The following MSH3 variants were observed in gnomAD, a reference collection of about 807,000 sequenced individuals.
MSH3 encodes DNA mismatch repair protein Msh3.
MSH3 carries 106 observed loss-of-function variants against 123.3 expected under a neutral mutation model. That is an observed-to-expected ratio of 0.86 (90% CI 0.73 to 1.01). The LOEUF is 1.01. Ranked by LOEUF, MSH3 falls within the 50% of genes least tolerant of loss-of-function variation. The pLI is 0.00. For synonymous variants in MSH3, 515 were observed against 481.4 expected (o/e 1.07, Z -0.91); for missense variants, 1,459 against 1,347.6 (o/e 1.08, Z -1.29).
intron 19 of MSH3, among the ~76,000 whole-genome samples, chr5:80,797,483 A>G (rs1327931843): frequency 6.6e-6 from 1 of 152,178 alleles, no homozygotes; most frequent in Admixed American, 6.5e-5. Flanking sequence ...AGGATATTAT[A>G]TGGGGATTGC....
intron 17 of MSH3, among the ~76,000 whole-genome samples, chr5:80,781,569 G>A (rs996083195): frequency 6.6e-6 from 1 of 151,032 alleles, no homozygotes; most frequent in Non-Finnish European, 1.5e-5. Context: ...CCCAGCTCAA[G>A]CAATCCTTCC....
intron 12 of MSH3, among the ~76,000 whole-genome samples, chr5:80,759,881 C>T (rs1415087731): frequency 6.6e-6 from 1 of 152,170 alleles, no homozygotes; most frequent in East Asian, 1.9e-4. Flanking sequence ...TCTTGCTCTC[C>T]TGCATCGTAC....
chr5:80,690,923 ATC>A (rs1750228895), intron 8 of MSH3, among the ~76,000 whole-genome samples: 1 of 152,076 alleles, frequency 6.6e-6, no homozygotes, highest in South Asian at 2.1e-4. Context: ...TTTATAGATA[ATC>A]TGTCTGTATA....
At chr5:80,859,383 C>T (rs1329792677) in intron 21 of MSH3, among the ~76,000 whole-genome samples, 1 of 152,180 alleles carries the variant, frequency 6.6e-6, no homozygotes, top group Non-Finnish European at 1.5e-5. Context: ...GCCTCGGCCT[C>T]CCAAAGCGCT....
At chr5:80,655,211 G>A (rs6151598) in intron 1 of MSH3, 4,112 of 367,564 alleles carry the variant, frequency 0.011, 60 homozygotes, top group South Asian at 0.046. Flanking sequence ...GCCTGAGACA[G>A]GAACTCAGGT....
intron 11 of MSH3, among the ~76,000 whole-genome samples, chr5:80,743,975 G>T (rs1424071221): frequency 2.0e-5 from 3 of 151,762 alleles, no homozygotes. Context: ...CTAGTTAATT[G>T]TGATTTTTTT....
rs1554068232 is a variant in MSH3, at chr5:80,692,150, ATAGATAGATAAACATGTATATGTT to A, written c.1340+13140_1340+13163del. 4.0e-3 allele frequency among the ~76,000 whole-genome samples: 531 copies of A among 131,702 alleles called. 49 individuals carry two copies. Among genetic ancestry groups the A allele is most frequent in the East Asian group, 0.012 (47 of 4,054 alleles). 86.4% of individuals were successfully genotyped at this position (131,702 alleles called of 152,430 possible). A position where few individuals can be genotyped will look rare whatever the true frequency, so the allele number is the denominator to read the frequency against. ...GATAGATAAACATGTATATGTTTAG[ATAGATAGATAAACATGTATATGTT>A]TAGATAGATAAACATGTATATGTTT... On this transcript the variant is annotated intron_variant, in intron 8 of 23. Transcript: ENST00000265081.
In MSH3 at chr5:80,813,645, TAAAAC is replaced by T; in HGVS notation, c.2720_2724del (p.Lys907SerfsTer39). Reference sequence around the variant, plus strand: ...AACATGGGTGGAAAGAGCTCCTACATAAAACAAGTTGCATTGATTACCATCATGGC... The same window carrying T: ...AACATGGGTGGAAAGAGCTCCTACATAAGTTGCATTGATTACCATCATGGC... On this transcript the variant is annotated frameshift_variant, in exon 20 of 24. Transcript: ENST00000265081. LOFTEE classifies it high-confidence loss of function. The T allele has an allele frequency of 6.2e-7, 1 of 1,614,130 alleles. No homozygotes were observed. Among genetic ancestry groups the T allele is most frequent in the Non-Finnish European group, 8.5e-7 (1 of 1,180,002 alleles).
intron 12 of MSH3, among the ~76,000 whole-genome samples, chr5:80,747,674 A>G (rs139208889): frequency 6.6e-6 from 1 of 152,316 alleles, no homozygotes; most frequent in African/African-American, 2.4e-5. Flanking sequence ...ACCACATGAC[A>G]ACATTTTGGT....
intron 19 of MSH3, among the ~76,000 whole-genome samples, chr5:80,809,955 A>G (rs1744976543): frequency 6.6e-6 from 1 of 152,012 alleles, no homozygotes; most frequent in Non-Finnish European, 1.5e-5. Context: ...AGTATAACAG[A>G]CACCTATTTA....
At chr5:80,829,660 G>A (rs1218935281) in intron 20 of MSH3, among the ~76,000 whole-genome samples, 1 of 152,044 alleles carries the variant, frequency 6.6e-6, no homozygotes, top group Non-Finnish European at 1.5e-5. Context: ...GAGGATTTTT[G>A]CATCTATGTT....
intron 16 of MSH3, among the ~76,000 whole-genome samples, chr5:80,776,644 T>C (rs1412401762): frequency 6.6e-6 from 1 of 151,980 alleles, no homozygotes; most frequent in African/African-American, 2.4e-5. Context: ...AGAGGACTCA[T>C]TTAAAGACAA....
At chr5:80,858,608 A>G (rs1745958458) in intron 21 of MSH3, among the ~76,000 whole-genome samples, 1 of 152,124 alleles carries the variant, frequency 6.6e-6, no homozygotes, top group Non-Finnish European at 1.5e-5. Flanking sequence ...ATTTGTCAAC[A>G]TGTGTTTTAT....
chr5:80,655,452 C>A, intron 1 of MSH3: 1 of 216,450 alleles, frequency 4.6e-6, no homozygotes, highest in Non-Finnish European at 9.3e-6. Context: ...GTGCAGTTCC[C>A]CAGTGAACTC....
At chr5:80,814,432 C>T (rs1745066675) in intron 20 of MSH3, among the ~76,000 whole-genome samples, 1 of 152,098 alleles carries the variant, frequency 6.6e-6, no homozygotes, top group African/African-American at 2.4e-5. Context: ...CCACCACGCC[C>T]AGCTGATTTT....
At chr5:80,858,736 G>A (rs1248504661) in intron 21 of MSH3, among the ~76,000 whole-genome samples, 1 of 152,074 alleles carries the variant, frequency 6.6e-6, no homozygotes, top group Non-Finnish European at 1.5e-5. Context: ...TGATGGTGTT[G>A]TTGAGTTCAG....
chr5:80,838,179 A>G (rs912555594), intron 20 of MSH3, among the ~76,000 whole-genome samples: 7 of 152,198 alleles, frequency 4.6e-5, no homozygotes, highest in Admixed American at 2.0e-4. Context: ...AGAGGAGGAA[A>G]TTATCCAAGG....
chr5:80,831,639 G>A (rs1398303585), intron 20 of MSH3, among the ~76,000 whole-genome samples: 1 of 149,786 alleles, frequency 6.7e-6, no homozygotes, highest in Non-Finnish European at 1.5e-5. Context: ...AAAAGTTAGA[G>A]TACTTTGTTA....
intron 17 of MSH3, among the ~76,000 whole-genome samples, chr5:80,786,601 A>G (rs927053102): frequency 6.6e-6 from 1 of 152,210 alleles, no homozygotes; most frequent in Non-Finnish European, 1.5e-5. Context: ...ATTTAAGCTC[A>G]GCTATATATT....
Sources: gnomAD v4.1 joint callset for allele counts (sites outside exome capture counted in the v4.1 genomes callset) on GRCh38, gnomAD v4.1.1 for gene constraint, MANE v1.5 for transcripts, NCBI Gene and HGNC (gene_info 2026-07-23, HGNC 2026-07-21) for gene names.